CNTNAP2: variants seen among roughly 807,000 people sequenced by gnomAD.
The protein encoded by CNTNAP2 is contactin associated protein 2, also known as contactin-associated protein-like 2.
A neutral mutation model predicts 155.2 loss-of-function variants in CNTNAP2; 98 were observed. The ratio of observed to expected loss-of-function variants is 0.63; its 90% CI spans 0.54 to 0.75. The LOEUF (loss-of-function observed/expected upper bound fraction) is 0.75. CNTNAP2 is among the 30% of genes least tolerant of loss of function. The pLI is 0.00. For missense variants in CNTNAP2, 1,727 were observed against 1,688.1 expected, an observed-to-expected ratio of 1.02 and a Z score of -0.40; for synonymous variants, 651 against 631.2, an observed-to-expected ratio of 1.03 and a Z score of -0.47.
intron 15 of CNTNAP2, among the ~76,000 whole-genome samples, chr7:148,022,065 G>A (rs1802288371): frequency 6.6e-6 from 1 of 152,132 alleles, no homozygotes; most frequent in Admixed American, 6.5e-5. Flanking sequence ...TTCTAGGCCT[G>A]CAGCCTCTCT....
At chr7:147,314,388 A>G (rs946667828) in intron 9 of CNTNAP2, among the ~76,000 whole-genome samples, 7 of 152,164 alleles carry the variant, frequency 4.6e-5, no homozygotes, top group Non-Finnish European at 1.0e-4. Context: ...TCTGACATCT[A>G]GATCTTTCTA....
intron 5 of CNTNAP2, among the ~76,000 whole-genome samples, chr7:147,119,234 A>C (rs1010078575): frequency 6.6e-6 from 1 of 152,286 alleles, no homozygotes; most frequent in Admixed American, 6.5e-5. Flanking sequence ...ATGTAGAGTA[A>C]CCTTTTAAAA....
At chr7:146,872,792 G>T (rs560753783) in intron 3 of CNTNAP2, among the ~76,000 whole-genome samples, 1 of 152,146 alleles carries the variant, frequency 6.6e-6, no homozygotes, top group Non-Finnish European at 1.5e-5. Context: ...TTAAATGATT[G>T]TCTTCAGAAT....
intron 10 of CNTNAP2, among the ~76,000 whole-genome samples, chr7:147,442,350 T>G (rs1449220427): frequency 1.3e-5 from 2 of 152,138 alleles, no homozygotes; most frequent in African/African-American, 4.8e-5. Context: ...GTCCAAGGAC[T>G]CTTAAGTCAG....
chr7:147,355,249 C>T (rs190906330), intron 9 of CNTNAP2, among the ~76,000 whole-genome samples: 1,787 of 152,032 alleles, frequency 0.012, 15 homozygotes, highest in Non-Finnish European at 0.019. Flanking sequence ...CCAATGGGAA[C>T]AAAAACACAA....
intron 1 of CNTNAP2, among the ~76,000 whole-genome samples, chr7:146,627,775 A>T (rs1234668030): frequency 2.0e-5 from 3 of 152,170 alleles, no homozygotes; most frequent in Admixed American, 6.5e-5. Flanking sequence ...GGTTTAAAAG[A>T]TCTAAAATAT....
chr7:146,613,417 A>T (rs914711118), intron 1 of CNTNAP2, among the ~76,000 whole-genome samples: 3 of 152,196 alleles, frequency 2.0e-5, no homozygotes, highest in Non-Finnish European at 2.9e-5. Flanking sequence ...TTTGACTTTC[A>T]TGGTGATTTT....
At chr7:148,106,095 G>A (rs1365100796) in intron 15 of CNTNAP2, among the ~76,000 whole-genome samples, 3 of 152,140 alleles carry the variant, frequency 2.0e-5, no homozygotes, top group Non-Finnish European at 2.9e-5. Context: ...GGATTGACTG[G>A]ATGCTAAGGA....
chr7:147,910,660 G>A (rs377228368), intron 14 of CNTNAP2, among the ~76,000 whole-genome samples: 31 of 152,284 alleles, frequency 2.0e-4, no homozygotes, highest in African/African-American at 7.5e-4. Context: ...GAAAAGTAAA[G>A]CCACGTCTTA....
At chr7:147,282,412 C>G (rs1033010639) in intron 8 of CNTNAP2, among the ~76,000 whole-genome samples, 4 of 151,912 alleles carry the variant, frequency 2.6e-5, no homozygotes, top group African/African-American at 4.8e-5. Context: ...ATCATCATCT[C>G]TCAAATATGT....
intron 12 of CNTNAP2, among the ~76,000 whole-genome samples, chr7:147,616,443 C>G (rs906436554): frequency 1.3e-5 from 2 of 152,174 alleles, no homozygotes; most frequent in Admixed American, 6.6e-5. Context: ...ACTACAATAT[C>G]TGTTCCCTGC....
rs952627674 is a variant in CNTNAP2, at chr7:146,295,548, T to A, written c.97+178575T>A. ...AATTAAAATCTAAAATATGTGATAATCTAAATACATATTATACCCCCATTC... is the reference window on the plus strand; with the variant it reads ...AATTAAAATCTAAAATATGTGATAAACTAAATACATATTATACCCCCATTC... On this transcript the variant is annotated intron_variant, in intron 1 of 23. Coordinates refer to ENST00000361727, the MANE Select transcript of CNTNAP2 (RefSeq NM_014141.6). Among the ~76,000 whole-genome samples the A allele has an allele frequency of 7.2e-5, 11 of 152,134 alleles. No individual in the cohort carries two copies. In the East Asian group the frequency reaches 2.1e-3, roughly 29 times the overall value.
Position 147,803,153 on chromosome 7 carries a change from A to C in CNTNAP2, c.2099-100412A>C, listed in dbSNP as rs1402558579. Among the ~76,000 whole-genome samples, 3 of 152,202 alleles carry C rather than the reference A, an allele frequency of 2.0e-5. No individual in the cohort carries two copies. In the East Asian group the frequency reaches 5.8e-4, roughly 29 times the overall value. ...ACCAAACCAGTTTAAAAATGTTTTT[A>C]CTGAGAATTTAAAAACACCCTTTAG... On this transcript the variant is annotated intron_variant, in intron 13 of 23. Transcript: ENST00000361727.
At chr7:147,778,597 T>C (rs1168944668) in intron 13 of CNTNAP2, among the ~76,000 whole-genome samples, 1 of 152,222 alleles carries the variant, frequency 6.6e-6, no homozygotes, top group Admixed American at 6.5e-5. Context: ...AGCTCAGTGA[T>C]ACCTCGGTCC....
chr7:146,909,073 G>A (rs1158429177), intron 3 of CNTNAP2, among the ~76,000 whole-genome samples: 1 of 151,958 alleles, frequency 6.6e-6, no homozygotes, highest in Non-Finnish European at 1.5e-5. Context: ...CACATTCCTC[G>A]ACACATACAC....
chr7:147,817,001 A>C (rs560751101), intron 13 of CNTNAP2, among the ~76,000 whole-genome samples: 1 of 152,342 alleles, frequency 6.6e-6, no homozygotes, highest in South Asian at 2.1e-4. Context: ...TTGAACCTAA[A>C]TCTAATTGAG....
intron 3 of CNTNAP2, among the ~76,000 whole-genome samples, chr7:146,867,260 G>A (rs775796721): frequency 1.3e-5 from 2 of 152,104 alleles, no homozygotes; most frequent in Non-Finnish European, 2.9e-5. Context: ...TTCTAAGTAG[G>A]AACATGTGGT....
intron 9 of CNTNAP2, among the ~76,000 whole-genome samples, chr7:147,375,359 C>T (rs1796416547): frequency 6.6e-6 from 1 of 152,044 alleles, no homozygotes; most frequent in African/African-American, 2.4e-5. Context: ...ATTTGTGTTA[C>T]TGCAAATTAC....
intron 9 of CNTNAP2, among the ~76,000 whole-genome samples, chr7:147,359,342 C>T (rs1434865754): frequency 6.6e-6 from 1 of 152,144 alleles, no homozygotes; most frequent in East Asian, 1.9e-4. Flanking sequence ...GCCCCTATAG[C>T]TGTCACCTCG....
Sources: allele counts gnomAD v4.1 joint callset (sites outside exome capture counted in the v4.1 genomes callset), GRCh38; gene constraint gnomAD v4.1.1; transcripts MANE v1.5; gene names NCBI Gene and HGNC (gene_info 2026-07-23, HGNC 2026-07-21).